ADAMDEC1: variants seen among roughly 807,000 people sequenced by gnomAD.
The protein encoded by ADAMDEC1 is ADAM DEC1.
A neutral mutation model predicts 60.4 loss-of-function variants in ADAMDEC1; 62 were observed. The observed-to-expected ratio is 1.03, with a 90% CI of 0.84 to 1.27. The LOEUF (loss-of-function observed/expected upper bound fraction) is 1.27, where lower values mean the gene tolerates loss of function less well. Among genes scored for constraint, ADAMDEC1 ranks in the 50% most tolerant of loss-of-function variants. The pLI, the probability that ADAMDEC1 is intolerant of heterozygous loss-of-function variation, is 0.00. For synonymous variants in ADAMDEC1, 210 were observed against 195.1 expected, an observed-to-expected ratio of 1.08 and a Z score of -0.64; for missense variants, 595 against 565.0, an observed-to-expected ratio of 1.05 and a Z score of -0.54.
At chr8:24,384,639 A>G (rs1468522517) in intron 1 of ADAMDEC1, 47 bp downstream of exon 1, 1 of 1,528,064 alleles carries the variant, frequency 6.5e-7, no homozygotes, top group African/African-American at 1.4e-5. Flanking sequence ...AAATTATTTG[A>G]TGAATGTTTA....
chr8:24,389,527 T>A (rs565189971), intron 1 of ADAMDEC1, among the ~76,000 whole-genome samples: 2 of 152,306 alleles, frequency 1.3e-5, no homozygotes, highest in South Asian at 4.1e-4. Flanking sequence ...CTCTGCAGGA[T>A]ACTCTTGACA....
rs77075869 is a variant in ADAMDEC1 at position 24,396,568 on chromosome 8, A to C, written c.441-702A>C. The stretch of plus-strand genomic sequence containing the variant: ...CTACCACAAAAGTTGACCTCTGAGT[A>C]ATCACTGTTATTAACATTTTGTCAT... On this transcript the variant is annotated intron_variant, in intron 5 of 13. Coordinates refer to ENST00000256412, the MANE Select transcript of ADAMDEC1 (RefSeq NM_014479.3). 4.1e-3 allele frequency among the ~76,000 whole-genome samples: 617 copies of C among 152,310 alleles called. 5 individuals are homozygous for C. Among genetic ancestry groups the C allele is most frequent in the African/African-American group, 0.014 (594 of 41,578 alleles).
At chr8:24,400,856 A>G (rs1019833206) in intron 11 of ADAMDEC1, among the ~76,000 whole-genome samples, 1 of 136,150 alleles carries the variant, frequency 7.3e-6, no homozygotes, top group African/African-American at 2.8e-5. Context: ...CTCATTGTTC[A>G]ATTCCCACCT....
At position 24,392,276 on chromosome 8, in the gene ADAMDEC1, C is replaced by G. The variant is rs772783115; in HGVS notation, c.103C>G (p.Gln35Glu). 2 of 1,608,454 alleles carry G rather than the reference C, an allele frequency of 1.2e-6. No homozygotes were observed. Among genetic ancestry groups the G allele is most frequent in the Admixed American group, 3.4e-5 (2 of 59,252 alleles). ...IVQTQAIAIK[Q>E]TPELTLHEIV... ...TCTTTCTCTAGCAATAGCCATAAAG[C>G]AAACACCTGAATTAACGCTCCATGA... Residue 35 changes from glutamine (Q) to glutamate (E), a missense_variant, in exon 2 of 14, where the codon CAA becomes GAA. Transcript: ENST00000256412.
chr8:24,397,804 C>T, intron 7 of ADAMDEC1, 59 bp downstream of exon 7: 1 of 1,457,918 alleles, frequency 6.9e-7, no homozygotes, highest in African/African-American at 1.4e-5. Context: ...GTTTACTTAT[C>T]AAGCAAAAGC....
chr8:24,386,028 A>G (rs115072739), intron 1 of ADAMDEC1, among the ~76,000 whole-genome samples: 3,541 of 152,158 alleles, frequency 0.023, 136 homozygotes, highest in African/African-American at 0.082. Flanking sequence ...GAAAAGTGAA[A>G]CTTGTTTCTA....
chr8:24,388,799 T>C (rs114808696), intron 1 of ADAMDEC1, among the ~76,000 whole-genome samples: 3,540 of 152,228 alleles, frequency 0.023, 132 homozygotes, highest in African/African-American at 0.082. Context: ...TCTACGCAAA[T>C]CTGCCCCAAA....
Position 24,399,032 on chromosome 8 carries a change from G to A in ADAMDEC1, c.921G>A (p.Gln307=). 2 of 1,612,422 alleles carry A rather than the reference G, an allele frequency of 1.2e-6. No individual in the cohort carries two copies. Among genetic ancestry groups the A allele is most frequent in the African/African-American group, 2.7e-5 (2 of 75,014 alleles). ...GGAAAAAGATCCACGACCATGCTCA[G>A]CTTCTCAGGTGAGCACATGCTGGCC... ...NLGKKIHDHA[Q]LLSGISFNNR... The change falls in exon 9 of 14, where the codon CAG becomes CAA. Residue 307 remains glutamine, a synonymous_variant. Coordinates refer to ENST00000256412, the MANE Select transcript of ADAMDEC1 (RefSeq NM_014479.3).
chr8:24,401,968 A>G lies in ADAMDEC1; in HGVS notation c.1196A>G (p.Tyr399Cys). 6.2e-7 allele frequency: 1 copy of G among 1,613,234 alleles called. No individual in the cohort carries two copies. The highest frequency in any genetic ancestry group is 1.1e-5 in the South Asian group (1 of 91,046). ...STSCRAHFER[Y>C]LLSQKPKCLL... ...TCTTGCCGTGCACATTTTGAAAGAT[A>G]CCTTTTATCTCAGAAACCAAAGTGC... The change falls in exon 12 of 14, where the codon TAC becomes TGC. Residue 399 changes from tyrosine to cysteine, a missense_variant. Tyr to Cys is a radical substitution (Grantham distance 194, BLOSUM62 -2). Coordinates refer to ENST00000256412, the MANE Select transcript of ADAMDEC1 (RefSeq NM_014479.3).
chr8:24,390,739 CAA>C (rs1221117444), intron 1 of ADAMDEC1, among the ~76,000 whole-genome samples: 2 of 151,656 alleles, frequency 1.3e-5, no homozygotes, highest in Non-Finnish European at 2.9e-5. Flanking sequence ...CAAAACAAAA[CAA>C]AACAAAACAA....
chr8:24,402,832 C>T (rs1342005758), intron 12 of ADAMDEC1, among the ~76,000 whole-genome samples: 1 of 152,150 alleles, frequency 6.6e-6, no homozygotes, highest in African/African-American at 2.4e-5. Flanking sequence ...CAGAAGACTA[C>T]ACAGCCTAAC....
chr8:24,396,072 C>G (rs916892439), intron 5 of ADAMDEC1, among the ~76,000 whole-genome samples: 4 of 152,240 alleles, frequency 2.6e-5, no homozygotes, highest in African/African-American at 9.6e-5. Flanking sequence ...AACCTACTCT[C>G]TGAAACAGTT....
chr8:24,402,781 TC>T (rs1446088898), intron 12 of ADAMDEC1, among the ~76,000 whole-genome samples: 3 of 152,128 alleles, frequency 2.0e-5, no homozygotes, highest in African/African-American at 7.2e-5. Flanking sequence ...TCTCTATGCT[TC>T]AGTTTATGTA....
rs763662694 is a variant in ADAMDEC1, at chr8:24,395,835, T to G, written c.440+39T>G. On this transcript the variant is annotated intron_variant, in intron 5 of 13. Coordinates refer to ENST00000256412, the MANE Select transcript of ADAMDEC1 (RefSeq NM_014479.3). ...TCAAAATTACTCAAGATCAAGAAGC[T>G]TTTTGTTACACAGAATTAAGGGCTA... 1.8e-5 allele frequency: 27 copies of G among 1,503,980 alleles called. No homozygotes were observed. The South Asian group carries it at 3.1e-4, about 17-fold the overall frequency. 93.2% of individuals were successfully genotyped at this position (1,503,980 alleles called of 1,614,324 possible). A position where few individuals can be genotyped will look rare whatever the true frequency, so the allele number is the denominator to read the frequency against.
Position 24,398,998 on chromosome 8 carries a change from C to T in ADAMDEC1, c.887C>T (p.Ser296Phe). Residue 296 changes from serine (S) to phenylalanine (F), a missense_variant, in exon 9 of 14, where the codon TCT becomes TTT. Transcript: ENST00000256412. Reference sequence around the variant, plus strand: ...GACAACTTCCTGAGATGGCACAGTTCTAACCTGGGGAAAAAGATCCACGAC... The same window carrying T: ...GACAACTTCCTGAGATGGCACAGTTTTAACCTGGGGAAAAAGATCCACGAC... ...TFDNFLRWHSSNLGKKIHDHA... is the reference protein window; with the variant it reads ...TFDNFLRWHSFNLGKKIHDHA... 1 of 1,613,664 alleles carries T rather than the reference C, an allele frequency of 6.2e-7. No homozygotes were observed.
At chr8:24,405,023 A>T (rs1817855325) in intron 13 of ADAMDEC1, among the ~76,000 whole-genome samples, 3 of 152,278 alleles carry the variant, frequency 2.0e-5, no homozygotes, top group South Asian at 4.2e-4. Context: ...ACTGTGCAAG[A>T]TAGGCAATTT....
intron 5 of ADAMDEC1, 63 bp downstream of exon 5, chr8:24,395,859 T>A: frequency 8.0e-7 from 1 of 1,255,136 alleles, no homozygotes; most frequent in Non-Finnish European, 1.1e-6. Context: ...AATTAAGGGC[T>A]ACTAGATATT....
chr8:24,398,579 G>C (rs760106409), intron 8 of ADAMDEC1, 28 bp downstream of exon 8: 2 of 1,504,220 alleles, frequency 1.3e-6, no homozygotes. Flanking sequence ...TAAACCTCAT[G>C]TTTCTGCATA....
intron 5 of ADAMDEC1, 47 bp from the exon 6 acceptor site, chr8:24,397,223 A>G (rs1817635886): frequency 2.6e-6 from 4 of 1,553,718 alleles, no homozygotes; most frequent in East Asian, 2.3e-5. Flanking sequence ...AGCAAATATG[A>G]CACTGTGTGT....
Sources: gnomAD v4.1 joint callset for allele counts (sites outside exome capture counted in the v4.1 genomes callset) on GRCh38, gnomAD v4.1.1 for gene constraint, MANE v1.5 for transcripts, NCBI Gene and HGNC (gene_info 2026-07-23, HGNC 2026-07-21) for gene names.